Variants in ABCC11 observed in about 807,000 individuals in gnomAD.
ABCC11 encodes the protein ATP-binding cassette sub-family C member 11.
A neutral mutation model predicts 149.3 loss-of-function variants in ABCC11; 135 were observed. That is an observed-to-expected ratio of 0.90 (90% CI 0.79 to 1.04). The LOEUF (loss-of-function observed/expected upper bound fraction) is 1.04. Among genes scored for constraint, ABCC11 ranks in the 50% least tolerant of loss-of-function variants. ABCC11 has a pLI of 0.00. For missense variants in ABCC11, 1,680 were observed against 1,722.1 expected (o/e 0.98, Z 0.43); for synonymous variants, 665 against 671.4 (o/e 0.99, Z 0.15).
chr16:48,205,439 G>A lies in ABCC11; in HGVS notation c.1779C>T (p.Leu593=). The part of the protein sequence containing the change: ...IVSGNIRENI[L]MGGAYDKARY... Reference sequence around the variant, plus strand: ...GGGCCTTGTCATATGCGCCTCCCATGAGGATGTTCTCCCTGATGTTCCCGC... The same window carrying A: ...GGGCCTTGTCATATGCGCCTCCCATAAGGATGTTCTCCCTGATGTTCCCGC... Residue 593 remains leucine (L), a synonymous_variant, in exon 13 of 30, where the codon CTC becomes CTT. Coordinates refer to ENST00000356608, the MANE Select transcript of ABCC11 (RefSeq NM_001370497.1). 1.2e-6 allele frequency: 2 copies of A among 1,614,206 alleles called. No individual in the cohort carries two copies. The highest frequency in any genetic ancestry group is 2.2e-5 in the South Asian group (2 of 91,082).
rs1321915426 is a variant in ABCC11 at position 48,175,289 on chromosome 16, G to A, written c.3667C>T (p.Gln1223Ter). The change falls in exon 26 of 30, where the codon CAA (glutamine) becomes TAA (stop). Residue 1223 changes from glutamine to a stop codon, truncating the protein, a stop_gained. Transcript: ENST00000356608. LOFTEE classifies it high-confidence loss of function. ...DLRSKLSVIPQDPVLLSGTIR... is the reference protein window; with the variant it reads ...DLRSKLSVIP The stretch of plus-strand genomic sequence containing the variant: ...GTTCCTGAGAGCAGCACTGGATCTT[G>A]AGGGATCACTGAGAGCTTGGACCGC... The A allele has an allele frequency of 5.0e-6, 8 of 1,613,898 alleles. No homozygotes were observed. Among genetic ancestry groups the A allele is most frequent in the Non-Finnish European group, 6.8e-6 (8 of 1,179,884 alleles).
chr16:48,233,802 C>T (rs1313194243), intron 1 of ABCC11, among the ~76,000 whole-genome samples: 1 of 152,198 alleles, frequency 6.6e-6, no homozygotes, highest in Non-Finnish European at 1.5e-5. Context: ...CCTGTGGTTG[C>T]AATTGGTGAT....
At chr16:48,203,439 C>CT in intron 13 of ABCC11, 139 bp from the exon 14 acceptor site, 1 of 624,310 alleles carries the variant, frequency 1.6e-6, no homozygotes, top group South Asian at 2.5e-5. Context: ...ACACTGAAGG[C>CT]TTTTTTCATT....
chr16:48,226,117 C>A (rs964426240), intron 4 of ABCC11, among the ~76,000 whole-genome samples: 8 of 141,388 alleles, frequency 5.7e-5, no homozygotes, highest in African/African-American at 2.2e-4. Context: ...CACTCTGTCA[C>A]CCAGGCTGGA....
At position 48,213,480 on chromosome 16, in the gene ABCC11, C is replaced by A. The variant is rs143771722; in HGVS notation, c.1319G>T (p.Gly440Val). 83 of 1,612,268 alleles carry A rather than the reference C, an allele frequency of 5.1e-5. No homozygotes were observed. Among genetic ancestry groups the A allele is most frequent in the African/African-American group, 9.3e-5 (7 of 74,888 alleles). The change falls in exon 10 of 30, where the codon GGT becomes GTT. Residue 440 changes from glycine to valine, a missense_variant. Physicochemically the swap from Gly to Val is moderately radical, Grantham distance 109. Transcript: ENST00000356608. The part of the protein sequence containing the change: ...SVFFVPIAVK[G>V]LTNSKSAVMR... ...CACTGCAGACTTGGAATTCGTGAGA[C>A]CTTTGACTGCAATAGGCACAAAGAA...
At chr16:48,245,108 C>T (rs1200062063) in intron 1 of ABCC11, among the ~76,000 whole-genome samples, 1 of 152,150 alleles carries the variant, frequency 6.6e-6, no homozygotes, top group African/African-American at 2.4e-5. Context: ...TTAACTTTTC[C>T]TGTTTCATTC....
At chr16:48,207,733 A>G (rs530779196) in intron 12 of ABCC11, among the ~76,000 whole-genome samples, 1 of 152,250 alleles carries the variant, frequency 6.6e-6, no homozygotes, top group South Asian at 2.1e-4. Context: ...AAAGAAAGAA[A>G]AAAGAAACTG....
chr16:48,198,635 G>A (rs1259734574), intron 15 of ABCC11, among the ~76,000 whole-genome samples: 1 of 148,580 alleles, frequency 6.7e-6, no homozygotes, highest in Non-Finnish European at 1.5e-5. Context: ...ATACACTGAA[G>A]TATTTTTTTT....
At chr16:48,242,893 T>C (rs1313467343) in intron 1 of ABCC11, among the ~76,000 whole-genome samples, 1 of 151,506 alleles carries the variant, frequency 6.6e-6, no homozygotes, top group African/African-American at 2.4e-5. Context: ...CAGGGGCCTG[T>C]CGTTGGGTGG....
In ABCC11 at chr16:48,194,004, T is replaced by A. The variant is rs538667661; in HGVS notation, c.2405-22A>T. On this transcript the variant is annotated intron_variant, in intron 18 of 29. Coordinates refer to ENST00000356608, the MANE Select transcript of ABCC11 (RefSeq NM_001370497.1). ...TAACCTGGGAGGGAGACAGTGGTGATGTACAAGTGCCACAAACAGGTGCGA... is the reference window on the plus strand; with the variant it reads ...TAACCTGGGAGGGAGACAGTGGTGAAGTACAAGTGCCACAAACAGGTGCGA... The A allele has an allele frequency of 6.4e-6, 10 of 1,571,844 alleles. No homozygotes were observed. In the South Asian group the frequency reaches 1.0e-4, roughly 16 times the overall value.
intron 4 of ABCC11, among the ~76,000 whole-genome samples, chr16:48,226,395 C>T (rs1970076497): frequency 6.6e-6 from 1 of 151,828 alleles, no homozygotes; most frequent in Non-Finnish European, 1.5e-5. Flanking sequence ...CTGCCTCAGC[C>T]TCCTGAGCAG....
At chr16:48,192,756 G>T (rs1255362171) in intron 19 of ABCC11, 39 bp from the exon 20 acceptor site, 1 of 1,601,146 alleles carries the variant, frequency 6.2e-7, no homozygotes, top group Non-Finnish European at 8.6e-7. Context: ...CAGGTGTCCG[G>T]GGGAAATTCA....
chr16:48,216,079 C>T (rs775549114), intron 7 of ABCC11, 35 bp downstream of exon 7: 7 of 1,602,990 alleles, frequency 4.4e-6, no homozygotes, highest in Non-Finnish European at 6.0e-6. Flanking sequence ...ACTTCTGGGG[C>T]CCAGCATCAA....
intron 6 of ABCC11, among the ~76,000 whole-genome samples, chr16:48,220,645 T>TAA (rs1311461181): frequency 4.6e-5 from 7 of 152,348 alleles, no homozygotes; most frequent in Middle Eastern, 3.4e-3. Flanking sequence ...GTTGGTTCTA[T>TAA]TATTATTCCA....
intron 17 of ABCC11, among the ~76,000 whole-genome samples, chr16:48,197,206 C>T (rs1967505473): frequency 6.6e-6 from 1 of 151,950 alleles, no homozygotes. Context: ...TGCCTGTAGT[C>T]CTAGCTACTT....
At chr16:48,181,616 T>C (rs1259256769) in intron 23 of ABCC11, among the ~76,000 whole-genome samples, 2 of 151,852 alleles carry the variant, frequency 1.3e-5, no homozygotes, top group Non-Finnish European at 2.9e-5. Flanking sequence ...ATGTTCTTTT[T>C]TTTTTTTTTT....
At chr16:48,211,803 C>G (rs185467194) in intron 10 of ABCC11, among the ~76,000 whole-genome samples, 15 of 152,322 alleles carry the variant, frequency 9.8e-5, no homozygotes, top group Admixed American at 6.5e-4. Context: ...TCAATTCTCT[C>G]TGCATCTCCA....
chr16:48,175,381 A>G lies in ABCC11; in HGVS notation c.3575T>C (p.Val1192Ala). The G allele has an allele frequency of 1.9e-6, 3 of 1,613,600 alleles. No homozygotes were observed. Among genetic ancestry groups the G allele is most frequent in the Non-Finnish European group, 2.5e-6 (3 of 1,179,516 alleles). ...SSLGMALFRL[V>A]EPMAGRILID... ...GAGAATCCGGCCTGCCATGGGCTCC[A>G]CCAGGCGGAAGAGAGCCATGCCCAA... Residue 1192 changes from valine (V) to alanine (A), a missense_variant, in exon 26 of 30, where the codon GTG becomes GCG. Transcript: ENST00000356608.
At chr16:48,243,205 T>A (rs1004164789) in intron 1 of ABCC11, among the ~76,000 whole-genome samples, 4 of 151,032 alleles carry the variant, frequency 2.6e-5, no homozygotes, top group Admixed American at 2.0e-4. Flanking sequence ...ATTGAGACCA[T>A]CCTGGCTAAC....
Sources: gnomAD v4.1 joint callset for allele counts (sites outside exome capture counted in the v4.1 genomes callset) on GRCh38, gnomAD v4.1.1 for gene constraint, MANE v1.5 for transcripts, NCBI Gene and HGNC (gene_info 2026-07-23, HGNC 2026-07-21) for gene names.